Variants in GRIP1 observed in about 807,000 individuals in gnomAD.
GRIP1 encodes the protein glutamate receptor-interacting protein 1.
A neutral mutation model predicts 129.9 loss-of-function variants in GRIP1; 45 were observed. The ratio of observed to expected loss-of-function variants is 0.35; its 90% CI spans 0.27 to 0.44. The LOEUF is 0.44. Among genes scored for constraint, GRIP1 ranks in the 20% least tolerant of loss-of-function variants. GRIP1 has a pLI of 1.00. For synonymous variants in GRIP1, 530 were observed against 520.8 expected, an observed-to-expected ratio of 1.02 and a Z score of -0.24; for missense variants, 1,196 against 1,396.8, an observed-to-expected ratio of 0.86 and a Z score of 2.29.
chr12:66,894,363 G>C (rs973560857), intron 1 of GRIP1, among the ~76,000 whole-genome samples: 2 of 152,138 alleles, frequency 1.3e-5, no homozygotes, highest in Non-Finnish European at 2.9e-5. Context: ...TGTGTGTCTT[G>C]TCTCTTTCTG....
At chr12:66,358,175 G>A (rs189049242) in intron 23 of GRIP1, among the ~76,000 whole-genome samples, 47 of 152,276 alleles carry the variant, frequency 3.1e-4, no homozygotes, top group African/African-American at 1.0e-3. Context: ...GATTACAGGC[G>A]TAAGCCACCA....
intron 13 of GRIP1, among the ~76,000 whole-genome samples, chr12:66,441,454 C>A (rs1360999135): frequency 6.6e-6 from 1 of 152,108 alleles, no homozygotes; most frequent in Non-Finnish European, 1.5e-5. Flanking sequence ...GTTGGTTATT[C>A]CTCGGTCTTG....
chr12:66,524,729 A>G (rs573188047), intron 5 of GRIP1, among the ~76,000 whole-genome samples: 1 of 152,334 alleles, frequency 6.6e-6, no homozygotes, highest in East Asian at 1.9e-4. Flanking sequence ...AAAAAAATTA[A>G]TGAATCCAGG....
chr12:66,451,707 A>G (rs1008723885), intron 11 of GRIP1, among the ~76,000 whole-genome samples: 6 of 151,996 alleles, frequency 3.9e-5, no homozygotes, highest in African/African-American at 1.2e-4. Flanking sequence ...CCTGTAATCT[A>G]AGACTTCTGT....
chr12:66,799,802 A>G (rs2038806393), intron 1 of GRIP1, among the ~76,000 whole-genome samples: 1 of 152,134 alleles, frequency 6.6e-6, no homozygotes, highest in Non-Finnish European at 1.5e-5. Flanking sequence ...AAAGGGGGAA[A>G]ACTCTAAAGG....
intron 1 of GRIP1, among the ~76,000 whole-genome samples, chr12:66,628,650 C>G (rs1176536062): frequency 1.1e-4 from 16 of 152,172 alleles, no homozygotes. Flanking sequence ...CACCTCTCCA[C>G]CAGGGGTGAA....
Position 66,349,130 on chromosome 12 carries a change from A to G in GRIP1, c.3276T>C (p.Ser1092=). The change falls in exon 25 of 25, where the codon TCT becomes TCC. Residue 1092 remains serine (S), a synonymous_variant. Coordinates refer to ENST00000359742, the MANE Select transcript of GRIP1 (RefSeq NM_001366722.1). ...CTCCTGGTAGACTCTGTTGGTCTAT[A>G]GACTTCTGTGAAGCCAGTGGGTTTC... is the stretch of plus-strand genomic sequence containing the variant. The part of the protein sequence containing the change: ...ISRNPLASQK[S]IDQQSLPGDW... 6.2e-7 allele frequency: 1 copy of G among 1,614,028 alleles called. No homozygotes were observed. Among genetic ancestry groups the G allele is most frequent in the Non-Finnish European group, 8.5e-7 (1 of 1,179,886 alleles).
chr12:66,406,557 G>T (rs534924703), intron 15 of GRIP1, 129 bp from the exon 16 acceptor site: 1 of 910,624 alleles, frequency 1.1e-6, no homozygotes, highest in South Asian at 1.4e-5. Flanking sequence ...TTTTTAAATT[G>T]TACTTCATTG....
chr12:66,791,106 T>C (rs1358970881), intron 1 of GRIP1, among the ~76,000 whole-genome samples: 1 of 152,170 alleles, frequency 6.6e-6, no homozygotes, highest in Non-Finnish European at 1.5e-5. Context: ...TTCAGTAGAA[T>C]GGCAGGTGCA....
intron 1 of GRIP1, among the ~76,000 whole-genome samples, chr12:66,648,080 C>T (rs1485714589): frequency 6.6e-6 from 1 of 152,136 alleles, no homozygotes; most frequent in Non-Finnish European, 1.5e-5. Context: ...CTCTTCCCCC[C>T]TCCCTCCACC....
intron 1 of GRIP1, among the ~76,000 whole-genome samples, chr12:67,068,570 G>C (rs1298032722): frequency 6.6e-6 from 1 of 151,994 alleles, no homozygotes; most frequent in Non-Finnish European, 1.5e-5. Context: ...GCAACTTTGG[G>C]TTGGCAATGC....
At chr12:66,523,184 C>T (rs1005612848) in intron 5 of GRIP1, among the ~76,000 whole-genome samples, 3 of 151,204 alleles carry the variant, frequency 2.0e-5, no homozygotes, top group African/African-American at 7.3e-5. Flanking sequence ...GAGAACACCA[C>T]AAAGATACTC....
At chr12:66,742,340 T>A (rs2036813400) in intron 1 of GRIP1, among the ~76,000 whole-genome samples, 1 of 152,178 alleles carries the variant, frequency 6.6e-6, no homozygotes, top group Non-Finnish European at 1.5e-5. Context: ...GGAGAGAAAC[T>A]GATACCAAAC....
At chr12:66,809,685 A>T (rs12824146) in intron 1 of GRIP1, among the ~76,000 whole-genome samples, 1 of 150,248 alleles carries the variant, frequency 6.7e-6, no homozygotes. Flanking sequence ...TTTGAGACAG[A>T]ATCTTGGTGT....
At chr12:66,419,203 A>G (rs898162040) in intron 15 of GRIP1, among the ~76,000 whole-genome samples, 2 of 152,208 alleles carry the variant, frequency 1.3e-5, no homozygotes, top group African/African-American at 4.8e-5. Flanking sequence ...CAGAAATACA[A>G]ACATCACATG....
intron 1 of GRIP1, among the ~76,000 whole-genome samples, chr12:66,911,019 C>T (rs1016092901): frequency 1.3e-5 from 2 of 152,208 alleles, no homozygotes; most frequent in African/African-American, 2.4e-5. Flanking sequence ...GCATCTACTA[C>T]GTGCCAAGCA....
chr12:67,060,838 A>G (rs1015992695), intron 1 of GRIP1, among the ~76,000 whole-genome samples: 4 of 151,268 alleles, frequency 2.6e-5, no homozygotes, highest in Admixed American at 1.3e-4. Context: ...AAAAAAAAAA[A>G]AAAAAAATGT....
At chr12:66,888,201 G>A (rs1205821709) in intron 1 of GRIP1, among the ~76,000 whole-genome samples, 2 of 150,712 alleles carry the variant, frequency 1.3e-5, no homozygotes, top group African/African-American at 2.5e-5. Context: ...AACCACAGGC[G>A]CACACCATCA....
intron 1 of GRIP1, among the ~76,000 whole-genome samples, chr12:66,887,216 T>A (rs2040580759): frequency 6.6e-6 from 1 of 152,240 alleles, no homozygotes; most frequent in Non-Finnish European, 1.5e-5. Context: ...TAATGAAAGT[T>A]AGCTTTTCAA....
Sources: allele counts gnomAD v4.1 joint callset (sites outside exome capture counted in the v4.1 genomes callset), GRCh38; gene constraint gnomAD v4.1.1; transcripts MANE v1.5; gene names NCBI Gene and HGNC (gene_info 2026-07-23, HGNC 2026-07-21).